Variants in MAF observed in about 807,000 individuals in gnomAD.
The protein encoded by MAF is transcription factor Maf.
Under a neutral mutation model 22.0 loss-of-function variants are expected in MAF, and 10 were observed. The observed-to-expected ratio is 0.45, with a 90% CI of 0.28 to 0.77. The LOEUF (loss-of-function observed/expected upper bound fraction) is 0.77. Ranked by LOEUF, MAF falls within the 30% of genes least tolerant of loss-of-function variation. The probability of loss-of-function intolerance (pLI) is 0.12; values close to 1 mark genes in which losing one functional copy is unlikely to be tolerated. For missense variants in MAF, 544 were observed against 548.4 expected, an observed-to-expected ratio of 0.99 and a Z score of 0.08; for synonymous variants, 337 against 255.8, an observed-to-expected ratio of 1.32 and a Z score of -3.03.
chr16:79,404,336 G>C, the MAF span, among the ~76,000 whole-genome samples: 4 of 151,880 alleles, frequency 2.6e-5, no homozygotes, highest in African/African-American at 9.7e-5. Flanking sequence ...GCTAATTTTT[G>C]TATTTTTAGT....
the MAF span, among the ~76,000 whole-genome samples, chr16:79,569,836 C>A: frequency 3.9e-5 from 6 of 152,134 alleles, no homozygotes; most frequent in African/African-American, 1.4e-4. Context: ...AGGGAGCTGT[C>A]CCCGGCTCTT....
the MAF span, among the ~76,000 whole-genome samples, chr16:79,572,858 G>C: frequency 6.6e-6 from 1 of 152,176 alleles, no homozygotes; most frequent in African/African-American, 2.4e-5. Context: ...AACATGAAAT[G>C]TGTATAAAAA....
the MAF span, among the ~76,000 whole-genome samples, chr16:79,468,810 T>C: frequency 6.6e-6 from 1 of 152,118 alleles, no homozygotes; most frequent in South Asian, 2.1e-4. Context: ...CCATGGAGCA[T>C]TATAAATCAC....
chr16:79,281,163 G>A, the MAF span, among the ~76,000 whole-genome samples: 19,561 of 151,298 alleles, frequency 0.13, 1,302 homozygotes, highest in Middle Eastern at 0.21. Context: ...GAGGTTGGAC[G>A]GAAGATGTGC....
chr16:79,502,881 A>T, the MAF span, among the ~76,000 whole-genome samples: 1 of 150,886 alleles, frequency 6.6e-6, no homozygotes, highest in South Asian at 2.1e-4. Context: ...TGGTGGTTAC[A>T]TGGGATAATC....
the MAF span, among the ~76,000 whole-genome samples, chr16:79,395,735 G>C: frequency 6.6e-6 from 1 of 152,118 alleles, no homozygotes; most frequent in African/African-American, 2.4e-5. Flanking sequence ...TGGACTTCTG[G>C]TTCCCCAAGC....
the MAF span, among the ~76,000 whole-genome samples, chr16:79,455,065 C>T: frequency 6.6e-6 from 1 of 151,026 alleles, no homozygotes; most frequent in Non-Finnish European, 1.5e-5. Context: ...CATTGCACTA[C>T]AGCCTGGGCA....
chr16:79,213,976 T>C, the MAF span, among the ~76,000 whole-genome samples: 1 of 152,196 alleles, frequency 6.6e-6, no homozygotes, highest in Non-Finnish European at 1.5e-5. Flanking sequence ...GAAGCCACTC[T>C]AGTCTTCCTC....
At chr16:79,558,817 G>A in the MAF span, among the ~76,000 whole-genome samples, 10 of 152,310 alleles carry the variant, frequency 6.6e-5, no homozygotes, top group East Asian at 1.9e-3. Flanking sequence ...CTTTAGCCTA[G>A]TTCTCATTTG....
intron 1 of MAF, chr16:79,595,342 C>T: frequency 1.9e-6 from 2 of 1,050,884 alleles, no homozygotes; most frequent in Non-Finnish European, 2.3e-6. Flanking sequence ...ATAAACTGGC[C>T]AGAACTTAGC....
chr16:79,335,021 C>T, the MAF span, among the ~76,000 whole-genome samples: 1 of 151,634 alleles, frequency 6.6e-6, no homozygotes, highest in Non-Finnish European at 1.5e-5. Context: ...CCTGTCTCTA[C>T]TAAAAATACA....
At chr16:79,446,061 A>C in the MAF span, among the ~76,000 whole-genome samples, 1 of 151,574 alleles carries the variant, frequency 6.6e-6, no homozygotes, top group Non-Finnish European at 1.5e-5. Context: ...AAAGAGAGAC[A>C]GAGACAGAGA....
chr16:79,386,041 G>A, the MAF span, among the ~76,000 whole-genome samples: 2 of 148,834 alleles, frequency 1.3e-5, no homozygotes, highest in African/African-American at 2.6e-5. Context: ...AGAGCTTAAG[G>A]GAGGAAGAAA....
At chr16:79,511,262 A>G in the MAF span, among the ~76,000 whole-genome samples, 7 of 151,950 alleles carry the variant, frequency 4.6e-5, no homozygotes, top group African/African-American at 1.7e-4. Flanking sequence ...AAAAGAAAAG[A>G]AAAGGAAAGA....
At chr16:79,282,530 C>T in the MAF span, among the ~76,000 whole-genome samples, 1 of 152,150 alleles carries the variant, frequency 6.6e-6, no homozygotes, top group Non-Finnish European at 1.5e-5. Flanking sequence ...AGTCCTGCAA[C>T]TTGGAGTCCC....
chr16:79,214,987 G>A, the MAF span, among the ~76,000 whole-genome samples: 1 of 152,066 alleles, frequency 6.6e-6, no homozygotes, highest in African/African-American at 2.4e-5. Context: ...TGGGATTACA[G>A]GTGTGAGCTA....
At chr16:79,207,168 GCTCT>G in the MAF span, among the ~76,000 whole-genome samples, 1 of 152,322 alleles carries the variant, frequency 6.6e-6, no homozygotes, top group South Asian at 2.1e-4. Context: ...CACCGCAGCA[GCTCT>G]CTGATAAATG....
the MAF span, among the ~76,000 whole-genome samples, chr16:79,213,297 G>GAACA: frequency 6.6e-6 from 1 of 151,984 alleles, no homozygotes; most frequent in Non-Finnish European, 1.5e-5. Context: ...CAGAGCAGTC[G>GAACA]AACAAACAAA....
At chr16:79,446,066 CAGAGAGAAAAAAA>C in the MAF span, among the ~76,000 whole-genome samples, 6 of 150,140 alleles carry the variant, frequency 4.0e-5, no homozygotes, top group African/African-American at 9.8e-5. Context: ...GAGACAGAGA[CAGAGAGAAAAAAA>C]AGAGAGAAAA....
Sources: gnomAD v4.1 joint callset for allele counts (sites outside exome capture counted in the v4.1 genomes callset) on GRCh38, gnomAD v4.1.1 for gene constraint, MANE v1.5 for transcripts, NCBI Gene and HGNC (gene_info 2026-07-23, HGNC 2026-07-21) for gene names.